PDXDC1: variants seen among roughly 807,000 people sequenced by gnomAD.
PDXDC1 encodes the protein pyridoxal-dependent decarboxylase domain-containing protein 1.
In PDXDC1, 42 loss-of-function variants were observed where a neutral mutation model predicts 100.1. The observed-to-expected ratio is 0.42, with a 90% CI of 0.33 to 0.54. The LOEUF is 0.54. Among genes scored for constraint, PDXDC1 ranks in the 20% least tolerant of loss-of-function variants. The probability of loss-of-function intolerance (pLI) is 0.10; values close to 1 mark genes in which losing one functional copy is unlikely to be tolerated. For synonymous variants in PDXDC1, 260 were observed against 371.7 expected (o/e 0.70, Z 3.46); for missense variants, 636 against 979.2 (o/e 0.65, Z 4.68).
At chr16:15,073,493 T>C (rs1182141674) in intron 16 of PDXDC1, among the ~76,000 whole-genome samples, 3 of 152,140 alleles carry the variant, frequency 2.0e-5, no homozygotes, top group Admixed American at 6.5e-5. Context: ...TCCATTAAAA[T>C]ACCATTAAAA....
intron 1 of PDXDC1, among the ~76,000 whole-genome samples, chr16:14,991,885 C>T (rs77767670): frequency 0.094 from 13,889 of 147,888 alleles, no homozygotes; most frequent in Non-Finnish European, 0.13. Flanking sequence ...AGCTGTGTTG[C>T]ATTTAGAGAA....
chr16:15,030,125 T>G (rs1369789893), intron 16 of PDXDC1, 69 bp downstream of exon 16: 5 of 1,284,870 alleles, frequency 3.9e-6, no homozygotes, highest in Admixed American at 4.0e-5. Context: ...CTTGCCCTTA[T>G]GATACTCCAT....
intron 16 of PDXDC1, among the ~76,000 whole-genome samples, chr16:15,122,683 G>A (rs754964717): frequency 3.3e-5 from 5 of 150,910 alleles, no homozygotes; most frequent in South Asian, 4.2e-4. Flanking sequence ...GGAGCCAAAA[G>A]AGAAGCCAAA....
intron 16 of PDXDC1, chr16:15,074,834 T>C (rs1268888350): frequency 1.2e-6 from 2 of 1,611,886 alleles, no homozygotes; most frequent in African/African-American, 2.7e-5. Context: ...CCAGCCTTTG[T>C]TTCATGTTCA....
chr16:15,077,635 A>T (rs546911453), intron 16 of PDXDC1, among the ~76,000 whole-genome samples: 1 of 152,214 alleles, frequency 6.6e-6, no homozygotes, highest in South Asian at 2.1e-4. Flanking sequence ...AGGTCAGGAG[A>T]TTGAGACCAT....
intron 14 of PDXDC1, among the ~76,000 whole-genome samples, 198 bp downstream of exon 14, chr16:15,026,904 C>G (rs762697333): frequency 5.3e-5 from 8 of 152,290 alleles, no homozygotes; most frequent in African/African-American, 1.4e-4. Flanking sequence ...GGTGATTAAA[C>G]CAGGGGTTCC....
downstream of PDXDC1, among the ~76,000 whole-genome samples, chr16:15,144,304 A>G (rs2048520242): frequency 6.6e-6 from 1 of 152,208 alleles, no homozygotes; most frequent in Non-Finnish European, 1.5e-5. Flanking sequence ...GCTCCTTTCT[A>G]TTTAAGGAGA....
intron 16 of PDXDC1, among the ~76,000 whole-genome samples, chr16:15,122,735 G>A (rs180722919): frequency 9.4e-5 from 14 of 148,452 alleles, no homozygotes; most frequent in East Asian, 4.0e-4. Context: ...CTTTCAGGGC[G>A]CCCGGAGGTG....
chr16:15,081,240 G>A (rs1413122926), intron 16 of PDXDC1, among the ~76,000 whole-genome samples: 1 of 152,178 alleles, frequency 6.6e-6, no homozygotes, highest in Non-Finnish European at 1.5e-5. Context: ...ACCCAGAAAT[G>A]GAACTGCTGA....
In PDXDC1 at chr16:15,058,025, G is replaced by C. The variant is rs538695875; in HGVS notation, c.1399+27969G>C. On this transcript the variant is annotated intron_variant, in intron 16 of 16. Coordinates refer to the PDXDC1 transcript ENST00000535621. ...ACAGGCAATGAGGAAGCAATAGCAGGTGTGTGGCCAGCACTGCGGCTCATG... is the reference window on the plus strand; with the variant it reads ...ACAGGCAATGAGGAAGCAATAGCAGCTGTGTGGCCAGCACTGCGGCTCATG... Among the ~76,000 whole-genome samples, 8 of 152,274 alleles carry C rather than the reference G, an allele frequency of 5.3e-5. No homozygotes were observed. In the South Asian group the frequency reaches 1.2e-3, roughly 24 times the overall value.
intron 13 of PDXDC1, among the ~76,000 whole-genome samples, chr16:15,024,895 TC>T (rs1412074113): frequency 1.3e-5 from 2 of 152,308 alleles, no homozygotes; most frequent in East Asian, 3.8e-4. Flanking sequence ...GTTTGTTTTT[TC>T]CTATAGAAGG....
intron 1 of PDXDC1, among the ~76,000 whole-genome samples, chr16:14,985,281 CTTTTT>C (rs769346480): frequency 8.7e-6 from 1 of 114,504 alleles, no homozygotes; most frequent in Non-Finnish European, 1.7e-5. Flanking sequence ...TGATAAACAA[CTTTTT>C]TTTTTTTTTT....
intron 16 of PDXDC1, chr16:15,131,001 G>C: frequency 1.1e-6 from 1 of 892,720 alleles, no homozygotes; most frequent in Non-Finnish European, 1.8e-6. Flanking sequence ...AATTTCACCA[G>C]AGACACCCAT....
rs920989575 is a variant in PDXDC1, at chr16:15,033,034, G to A, written c.1690+55G>A. 26 of 1,157,906 alleles carry A rather than the reference G, an allele frequency of 2.2e-5. No individual in the cohort carries two copies. In the African/African-American group the frequency reaches 2.4e-4, roughly 11 times the overall value. 71.7% of individuals were successfully genotyped at this position (1,157,906 alleles called of 1,614,324 possible). A position where few individuals can be genotyped will look rare whatever the true frequency, so the allele number is the denominator to read the frequency against. ...GGGTTTGGAAGGACACTTGGTAACC[G>A]GCTTTGAAGACGACGGCTCATCCCT... is the stretch of plus-strand genomic sequence containing the variant. On this transcript the variant is annotated intron_variant, in intron 18 of 22. Coordinates refer to ENST00000396410, the MANE Select transcript of PDXDC1 (RefSeq NM_015027.4).
At chr16:15,124,230 A>AC (rs1240620252) in intron 16 of PDXDC1, among the ~76,000 whole-genome samples, 12 of 152,034 alleles carry the variant, frequency 7.9e-5, no homozygotes, top group Admixed American at 2.0e-4. Context: ...ACCAGGACAG[A>AC]CCCCCACTGT....
Position 15,133,686 on chromosome 16 carries a change from C to T in PDXDC1, c.1400-5193C>T, listed in dbSNP as rs539308590. 212 of 1,594,686 alleles carry T rather than the reference C, an allele frequency of 1.3e-4. 2 individuals carry two copies. The South Asian group carries it at 2.3e-3, about 17-fold the overall frequency. On this transcript the variant is annotated intron_variant, in intron 16 of 16. Transcript: ENST00000535621. Reference sequence around the variant, plus strand: ...GCGTACACCAGCGGGGCGCCAGCATCCTCCGCGTCATGCCAGCCTGAGGGA... The same window carrying T: ...GCGTACACCAGCGGGGCGCCAGCATTCTCCGCGTCATGCCAGCCTGAGGGA...
At chr16:15,095,683 C>G (rs2046329482) in intron 16 of PDXDC1, among the ~76,000 whole-genome samples, 1 of 152,088 alleles carries the variant, frequency 6.6e-6, no homozygotes, top group Non-Finnish European at 1.5e-5. Context: ...AAAACCCTGT[C>G]TCTACTAAAA....
At chr16:15,146,608 C>G in the PDXDC1 span, among the ~76,000 whole-genome samples, 11 of 152,152 alleles carry the variant, frequency 7.2e-5, no homozygotes, top group Non-Finnish European at 1.6e-4. Flanking sequence ...GGCACCGAGG[C>G]TGGGTGCTGA....
At chr16:14,988,976 A>T in intron 1 of PDXDC1, 2 of 1,614,210 alleles carry the variant, frequency 1.2e-6, no homozygotes, top group African/African-American at 1.3e-5. Flanking sequence ...GGTGATCTTC[A>T]TAGTTGAGCG....
Sources: allele counts gnomAD v4.1 joint callset (sites outside exome capture counted in the v4.1 genomes callset), GRCh38; gene constraint gnomAD v4.1.1; transcripts MANE v1.5; gene names NCBI Gene and HGNC (gene_info 2026-07-23, HGNC 2026-07-21).